ABCG1: variants seen among roughly 807,000 people sequenced by gnomAD.
The protein encoded by ABCG1 is ATP binding cassette subfamily G member 1.
In ABCG1, 29 loss-of-function variants were observed where a neutral mutation model predicts 69.2. The observed-to-expected ratio is 0.42, with a 90% CI of 0.31 to 0.57. ABCG1 has a LOEUF of 0.57. Ranked by LOEUF, ABCG1 falls within the 20% of genes least tolerant of loss-of-function variation. ABCG1 has a pLI of 0.15. For missense variants in ABCG1, 718 were observed against 898.1 expected (o/e 0.80, Z 2.56); for synonymous variants, 370 against 374.8 (o/e 0.99, Z 0.15).
At position 42,228,204 on chromosome 21, in the gene ABCG1, C is replaced by T. The variant is rs3787964; in HGVS notation, c.286+2290C>T. ...GGGTGGCCACCAGATAGAGACTTGC[C>T]CTACAGTAACCTTGTGTGCTCAGGC... On this transcript the variant is annotated intron_variant, in intron 2 of 14. Coordinates refer to ENST00000398449, the MANE Select transcript of ABCG1 (RefSeq NM_016818.3). Among the ~76,000 whole-genome samples the T allele has an allele frequency of 6.6e-5, 10 of 152,290 alleles. No individual in the cohort carries two copies. In the East Asian group the frequency reaches 1.9e-3, roughly 29 times the overall value.
chr21:42,232,323 T>C (rs1000919191), intron 2 of ABCG1, among the ~76,000 whole-genome samples: 4 of 152,196 alleles, frequency 2.6e-5, no homozygotes, highest in African/African-American at 7.2e-5. Flanking sequence ...TGTGAGCACG[T>C]TGCAAGGGAA....
intron 2 of ABCG1, among the ~76,000 whole-genome samples, chr21:42,243,946 A>G (rs1439871096): frequency 2.0e-5 from 3 of 150,522 alleles, no homozygotes; most frequent in South Asian, 2.1e-4. Flanking sequence ...AGCCTCCCGA[A>G]TAGCTGGGAC....
intron 5 of ABCG1, among the ~76,000 whole-genome samples, chr21:42,279,359 G>A (rs1434237140): frequency 6.6e-6 from 1 of 152,190 alleles, no homozygotes; most frequent in Non-Finnish European, 1.5e-5. Context: ...CCGGAGGCCG[G>A]GGGAGCAGAC....
chr21:42,296,076 C>T lies in ABCG1; in HGVS notation c.1773-88C>T, dbSNP rs752148995. On this transcript the variant is annotated intron_variant, in intron 14 of 14. Coordinates refer to ENST00000398449, the MANE Select transcript of ABCG1 (RefSeq NM_016818.3). The surrounding 1 kb of genome is among the most constrained non-coding windows in gnomAD (Gnocchi z 5.4). ...AAGGGAGGATAGCCAAGCTGGGAAT[C>T]GCAGGGAGGGTGAACGACATTGACC... The T allele has an allele frequency of 6.2e-4, 704 of 1,130,460 alleles. 1 individual carries two copies. The highest frequency in any genetic ancestry group is 8.5e-4 in the Non-Finnish European group (642 of 752,210). 70.0% of individuals were successfully genotyped at this position (1,130,460 alleles called of 1,614,324 possible).
chr21:42,259,543 T>C lies in ABCG1; in HGVS notation c.287-11527T>C, dbSNP rs573132901. 92 of 1,528,436 alleles carry C rather than the reference T, an allele frequency of 6.0e-5. No individual in the cohort carries two copies. In the East Asian group the frequency reaches 2.1e-3, roughly 35 times the overall value. The allele number at this position is 1,528,436 out of a possible 1,614,324, so 94.7% of individuals were successfully genotyped here. On this transcript the variant is annotated intron_variant, in intron 2 of 14. Transcript: ENST00000398449. ...AGGCTGGCTGGCTGGAGTCATCATG[T>C]GGGCCCTCAGGCTATGGAGGCAAAT...
chr21:42,214,312 C>G (rs906758107), upstream of ABCG1, among the ~76,000 whole-genome samples: 4 of 152,230 alleles, frequency 2.6e-5, no homozygotes, highest in Admixed American at 2.0e-4. Flanking sequence ...GAGGAACAGG[C>G]CCTCACCTGA....
intron 2 of ABCG1, among the ~76,000 whole-genome samples, chr21:42,268,894 C>T (rs180899979): frequency 9.2e-5 from 14 of 152,332 alleles, no homozygotes; most frequent in Non-Finnish European, 1.8e-4. Context: ...GTGCTTCCTC[C>T]AGCCAGGGTG....
At chr21:42,248,847 T>C (rs2068175647) in intron 2 of ABCG1, among the ~76,000 whole-genome samples, 3 of 144,406 alleles carry the variant, frequency 2.1e-5, no homozygotes, top group African/African-American at 7.9e-5. Flanking sequence ...GAGGTTGCGG[T>C]GAGCCATGAT....
intron 1 of ABCG1, among the ~76,000 whole-genome samples, chr21:42,220,214 A>C (rs182600633): frequency 1.3e-3 from 203 of 152,246 alleles, no homozygotes; most frequent in Non-Finnish European, 2.5e-3. Context: ...CTAAAGTACA[A>C]ATGGAAAGTC....
At chr21:42,226,715 G>A (rs182310123) in intron 2 of ABCG1, among the ~76,000 whole-genome samples, 50 of 152,210 alleles carry the variant, frequency 3.3e-4, no homozygotes, top group African/African-American at 1.2e-3. Context: ...GCTCCTAAGT[G>A]GATCAGACAG....
At chr21:42,293,915 G>C in intron 13 of ABCG1, among the ~76,000 whole-genome samples, 1 of 132,430 alleles carries the variant, frequency 7.6e-6, no homozygotes, top group South Asian at 2.5e-4. Context: ...ACACACCGCA[G>C]ACACCACACA....
intron 2 of ABCG1, among the ~76,000 whole-genome samples, chr21:42,238,277 T>G (rs1164525887): frequency 6.6e-6 from 1 of 152,202 alleles, no homozygotes; most frequent in Non-Finnish European, 1.5e-5. Flanking sequence ...GGCCTTTGCT[T>G]GGGCATCACA....
intron 14 of ABCG1, chr21:42,295,350 A>T (rs2069186506): frequency 5.4e-5 from 3 of 55,602 alleles, no homozygotes; most frequent in South Asian, 5.1e-4. Flanking sequence ...AAAAAAAAAA[A>T]AAAAAAAAAA....
chr21:42,283,390 G>A (rs892112377), intron 6 of ABCG1, among the ~76,000 whole-genome samples: 2 of 152,296 alleles, frequency 1.3e-5, no homozygotes, highest in Middle Eastern at 3.4e-3. Flanking sequence ...ACTGTCCCCC[G>A]GGCCTGTCAC....
intron 2 of ABCG1, among the ~76,000 whole-genome samples, chr21:42,236,070 C>G (rs1461672698): frequency 2.6e-5 from 4 of 152,044 alleles, no homozygotes; most frequent in African/African-American, 9.7e-5. Flanking sequence ...GCCAGGGCCT[C>G]CTGGGGTTGA....
chr21:42,290,019 C>T lies in ABCG1; in HGVS notation c.1225-31C>T, dbSNP rs371931120. 62 of 1,614,038 alleles carry T rather than the reference C, an allele frequency of 3.8e-5. 1 individual carries two copies. Among genetic ancestry groups the T allele is most frequent in the Admixed American group, 6.7e-5 (4 of 60,006 alleles). ...TCTGAGCCGAGGACGGCTTTGCGAA[C>T]GCACTGGGTAAGATGCGGGTCTGTC... On this transcript the variant is annotated intron_variant, in intron 10 of 14. Transcript: ENST00000398449.
chr21:42,201,892 G>A (rs2067509627), intron 2 of ABCG1, among the ~76,000 whole-genome samples: 1 of 152,198 alleles, frequency 6.6e-6, no homozygotes, highest in African/African-American at 2.4e-5. Flanking sequence ...GGCAAACTGG[G>A]GACCTGTGTC....
At chr21:42,205,434 A>G (rs917682320) in intron 2 of ABCG1, among the ~76,000 whole-genome samples, 5 of 152,088 alleles carry the variant, frequency 3.3e-5, no homozygotes, top group African/African-American at 1.2e-4. Flanking sequence ...ACCTGTCTCT[A>G]CTAAAAATAC....
intron 2 of ABCG1, among the ~76,000 whole-genome samples, chr21:42,251,401 C>T (rs1337407313): frequency 4.6e-5 from 7 of 152,110 alleles, no homozygotes; most frequent in Non-Finnish European, 7.4e-5. Flanking sequence ...AGAGGCTCAG[C>T]GAGATACACT....
Sources: allele counts gnomAD v4.1 joint callset (sites outside exome capture counted in the v4.1 genomes callset), GRCh38; gene constraint gnomAD v4.1.1; non-coding constraint Gnocchi (gnomAD v3.1); transcripts MANE v1.5; gene names NCBI Gene and HGNC (gene_info 2026-07-23, HGNC 2026-07-21).